The following BCLAF3 variants were observed in gnomAD, a reference collection of about 807,000 sequenced individuals.
BCLAF3 encodes BCLAF1 and THRAP3 family member 3.
A neutral mutation model predicts 51.2 loss-of-function variants in BCLAF3; 24 were observed. The observed-to-expected ratio is 0.47, with a 90% CI of 0.34 to 0.66. The LOEUF (loss-of-function observed/expected upper bound fraction) is 0.66, where lower values mean the gene tolerates loss of function less well. Ranked by LOEUF, BCLAF3 falls within the 30% of genes least tolerant of loss-of-function variation. BCLAF3 has a pLI of 0.01. For synonymous variants in BCLAF3, 152 were observed against 176.6 expected, an observed-to-expected ratio of 0.86 and a Z score of 1.10; for missense variants, 465 against 525.1, an observed-to-expected ratio of 0.89 and a Z score of 1.12.
At chrX:19,949,397 G>A (rs755762193) in intron 8 of BCLAF3, among the ~76,000 whole-genome samples, 82 of 112,315 alleles carry the variant, frequency 7.3e-4, no homozygotes, top group Non-Finnish European at 1.2e-3. Context: ...ACGTCAAGGG[G>A]TAAAGATACA....
chrX:19,947,358 C>A (rs1353874727), intron 8 of BCLAF3, among the ~76,000 whole-genome samples: 1 of 112,184 alleles, frequency 8.9e-6, no homozygotes, highest in Admixed American at 9.5e-5. Context: ...ACCTCTATAA[C>A]AAAACAACTC....
intron 9 of BCLAF3, 72 bp downstream of exon 9, chrX:19,937,346 G>A (rs1569502678): frequency 3.7e-6 from 2 of 547,235 alleles, no homozygotes; most frequent in East Asian, 7.2e-5. Flanking sequence ...AAATATTGGT[G>A]ATCCCTGCAC....
intron 1 of BCLAF3, among the ~76,000 whole-genome samples, chrX:19,974,216 A>G (rs1026284647): frequency 8.9e-6 from 1 of 112,667 alleles, no homozygotes; most frequent in Non-Finnish European, 1.9e-5. Flanking sequence ...GTTCAAACCC[A>G]TGTTGTTCAA....
intron 1 of BCLAF3, among the ~76,000 whole-genome samples, chrX:19,972,335 G>A (rs2072284191): frequency 1.8e-5 from 2 of 111,528 alleles, no homozygotes; most frequent in Admixed American, 9.6e-5. Flanking sequence ...GATAAACTCT[G>A]GGTATCAGTT....
chrX:19,935,017 C>T (rs942222864), intron 10 of BCLAF3, among the ~76,000 whole-genome samples: 5 of 110,097 alleles, frequency 4.5e-5, no homozygotes, highest in South Asian at 3.9e-4. Flanking sequence ...AACCCTGTCT[C>T]TACTAAAAAT....
intron 11 of BCLAF3, among the ~76,000 whole-genome samples, chrX:19,922,763 T>C (rs1205435038): frequency 1.8e-5 from 2 of 110,529 alleles, no homozygotes; most frequent in East Asian, 5.7e-4. Flanking sequence ...AGCCGGGCAT[T>C]GTGGCATGCG....
At chrX:19,920,819 TA>T (rs749960197) in intron 11 of BCLAF3, among the ~76,000 whole-genome samples, 1,709 of 75,231 alleles carry the variant, frequency 0.023, 12 homozygotes, top group Middle Eastern at 0.025. Flanking sequence ...AGACCCTGTC[TA>T]AAAAAAAAAA....
intron 8 of BCLAF3, among the ~76,000 whole-genome samples, chrX:19,948,243 GC>G (rs1231095813): frequency 8.9e-6 from 1 of 111,943 alleles, no homozygotes; most frequent in Non-Finnish European, 1.9e-5. Flanking sequence ...ACAAAAACTT[GC>G]ACACAAATGT....
At chrX:19,947,257 A>G (rs1255544906) in intron 8 of BCLAF3, among the ~76,000 whole-genome samples, 2 of 112,391 alleles carry the variant, frequency 1.8e-5, no homozygotes, top group Non-Finnish European at 3.8e-5. Context: ...TAAAAAATAA[A>G]AATAAAAAAT....
intron 7 of BCLAF3, among the ~76,000 whole-genome samples, chrX:19,951,773 C>T (rs2071492193): frequency 9.1e-6 from 1 of 109,534 alleles, no homozygotes; most frequent in Non-Finnish European, 1.9e-5. Flanking sequence ...ACAAAAAATA[C>T]AAAAATTAGC....
chrX:19,953,741 T>C, intron 6 of BCLAF3, 37 bp downstream of exon 6: 1 of 1,069,521 alleles, frequency 9.3e-7, no homozygotes, highest in South Asian at 2.1e-5. Context: ...TATATCCCCA[T>C]TAGTTAAATG....
rs762637552 is a variant in BCLAF3 at position 19,978,686 on chromosome X, A to C, written c.-34-8388T>G. 2.7e-5 allele frequency among the ~76,000 whole-genome samples: 3 copies of C among 112,084 alleles called. No homozygotes were observed. The South Asian group carries it at 1.1e-3, about 42-fold the overall frequency. On this transcript the variant is annotated intron_variant, in intron 1 of 11. Transcript: ENST00000379682. ...TAGCAGGGTTTGACAGGTTTACTTT[A>C]ATTTTGATGGAAGTGCTACTGTGAG...
In BCLAF3 at chrX:19,918,519, C is replaced by T. The variant is rs946099941; in HGVS notation, c.2107-1185G>A. The stretch of plus-strand genomic sequence containing the variant: ...CTCCACCCTTCCAATGATTTAAAAG[C>T]CCCCCCAACCCGGCCTTTTTTTTTT... On this transcript the variant is annotated intron_variant, in intron 11 of 11. Coordinates refer to ENST00000379682, the MANE Select transcript of BCLAF3 (RefSeq NM_001367774.2). Among the ~76,000 whole-genome samples the T allele has an allele frequency of 2.9e-5, 3 of 104,612 alleles. No homozygotes were observed. In the Admixed American group the frequency reaches 3.1e-4, roughly 11 times the overall value. The allele number at this position is 104,612 out of a possible 115,157, so 90.8% of individuals were successfully genotyped here.
intron 1 of BCLAF3, among the ~76,000 whole-genome samples, chrX:19,972,503 T>C (rs1232542282): frequency 8.9e-6 from 1 of 112,396 alleles, no homozygotes; most frequent in Non-Finnish European, 1.9e-5. Flanking sequence ...TTTATTGATA[T>C]TGAATTCACA....
intron 9 of BCLAF3, among the ~76,000 whole-genome samples, chrX:19,936,180 G>C (rs1053851346): frequency 8.1e-5 from 9 of 111,692 alleles, no homozygotes; most frequent in African/African-American, 2.9e-4. Flanking sequence ...GGGTGAATCT[G>C]AGAAAATGGA....
chrX:19,974,812 G>A (rs1366166512), intron 1 of BCLAF3, among the ~76,000 whole-genome samples: 1 of 110,966 alleles, frequency 9.0e-6, no homozygotes, highest in African/African-American at 3.3e-5. Context: ...AACCCGGGGG[G>A]CGGAGGTTAC....
intron 11 of BCLAF3, 148 bp from the exon 12 acceptor site, chrX:19,917,482 A>G: frequency 2.1e-6 from 1 of 486,875 alleles, no homozygotes; most frequent in Non-Finnish European, 3.6e-6. Context: ...GTGGAACCCC[A>G]AAGGCGCAAA....
At chrX:19,949,781 A>C in intron 8 of BCLAF3, among the ~76,000 whole-genome samples, 1 of 112,606 alleles carries the variant, frequency 8.9e-6, no homozygotes, top group Non-Finnish European at 1.9e-5. Context: ...ATTTGATAGA[A>C]AAGATTATGG....
intron 1 of BCLAF3, among the ~76,000 whole-genome samples, chrX:19,975,982 T>C (rs1446034927): frequency 3.6e-5 from 4 of 112,073 alleles, no homozygotes; most frequent in African/African-American, 9.7e-5. Flanking sequence ...GTGACTTTGG[T>C]CTTTGGACTT....
Sources: gnomAD v4.1 joint callset for allele counts (sites outside exome capture counted in the v4.1 genomes callset) on GRCh38, gnomAD v4.1.1 for gene constraint, MANE v1.5 for transcripts, NCBI Gene and HGNC (gene_info 2026-07-23, HGNC 2026-07-21) for gene names.